The following LRRC32 variants were observed in gnomAD, a reference collection of about 807,000 sequenced individuals.
The protein encoded by LRRC32 is leucine rich repeat containing 32, also known as transforming growth factor beta activator LRRC32.
A neutral mutation model predicts 15.0 loss-of-function variants in LRRC32; 5 were observed. The ratio of observed to expected loss-of-function variants is 0.33; its 90% CI spans 0.17 to 0.70. The LOEUF is 0.70. LRRC32 is among the 30% of genes least tolerant of loss of function. The pLI is 0.66. For synonymous variants in LRRC32, 391 were observed against 403.9 expected (o/e 0.97, Z 0.38); for missense variants, 803 against 854.2 (o/e 0.94, Z 0.75).
At chr11:76,664,328 G>A (rs888807470) in intron 2 of LRRC32, among the ~76,000 whole-genome samples, 10 of 152,326 alleles carry the variant, frequency 6.6e-5, no homozygotes, top group Middle Eastern at 3.4e-3. Flanking sequence ...AGTCCAGGGC[G>A]GTGCTCAGAG....
At chr11:76,664,927 C>T (rs1037364105) in intron 2 of LRRC32, among the ~76,000 whole-genome samples, 4 of 152,334 alleles carry the variant, frequency 2.6e-5, no homozygotes, top group Admixed American at 6.5e-5. Flanking sequence ...GGAAGGGCTG[C>T]GGGCAGGCAG....
At position 76,661,425 on chromosome 11, in the gene LRRC32, T is replaced by C; in HGVS notation, c.168A>G (p.Leu56=). 2.5e-6 allele frequency: 4 copies of C among 1,614,056 alleles called. No homozygotes were observed. Among genetic ancestry groups the C allele is most frequent in the East Asian group, 2.2e-5 (1 of 44,874 alleles). Residue 56 remains leucine (L), a synonymous_variant, in exon 3 of 3, where the codon CTA becomes CTG. Coordinates refer to ENST00000260061, the MANE Select transcript of LRRC32 (RefSeq NM_001128922.2). ...GGATACTCCGCAGCTGGTTCCCAGA[T>C]AGATCAAGGGTCTCAGTGTCTGGCG... is the stretch of plus-strand genomic sequence containing the variant. ...VLPPDTETLD[L]SGNQLRSILA... is the part of the protein sequence containing the mutation.
chr11:76,664,692 A>T (rs954498077), intron 2 of LRRC32, among the ~76,000 whole-genome samples: 5 of 152,076 alleles, frequency 3.3e-5, no homozygotes, highest in African/African-American at 1.2e-4. Context: ...GTGCTTTCCT[A>T]TCTCTTATCT....
chr11:76,668,148 C>G (rs1258852041), intron 1 of LRRC32, among the ~76,000 whole-genome samples: 1 of 152,116 alleles, frequency 6.6e-6, no homozygotes, highest in Non-Finnish European at 1.5e-5. Context: ...CACTAGGAGT[C>G]TCGGTGACAT....
intron 2 of LRRC32, 111 bp from the exon 3 acceptor site, chr11:76,661,619 G>T: frequency 6.9e-7 from 1 of 1,444,884 alleles, no homozygotes; most frequent in Non-Finnish European, 9.1e-7. Flanking sequence ...TTCTCCCATG[G>T]ACTCCCAGAA....
intron 1 of LRRC32, among the ~76,000 whole-genome samples, chr11:76,667,659 CA>C (rs1290280299): frequency 1.3e-5 from 2 of 152,210 alleles, no homozygotes; most frequent in African/African-American, 4.8e-5. Flanking sequence ...GTTTAAAAAG[CA>C]GAACGCCACC....
chr11:76,659,520 G>A lies in LRRC32; in HGVS notation c.*84C>T, dbSNP rs1225746400. On this transcript the variant is annotated 3_prime_UTR_variant, in exon 3 of 3. Coordinates refer to ENST00000260061, the MANE Select transcript of LRRC32 (RefSeq NM_001128922.2). ...TTGGAGACCAGAGTTCTGGGATCCC[G>A]GATCACTGTGTGACCTTGAGTCAGT... is the stretch of plus-strand genomic sequence containing the variant. 20 of 1,415,442 alleles carry A rather than the reference G, an allele frequency of 1.4e-5. No homozygotes were observed. The highest frequency in any genetic ancestry group is 2.5e-4 in the Middle Eastern group (1 of 4,070). The allele number at this position is 1,415,442 out of a possible 1,614,324, so 87.7% of individuals were successfully genotyped here.
At position 76,657,958 on chromosome 11, in the gene LRRC32, C is replaced by T. The variant is rs1952441892; in HGVS notation, c.*1646G>A. 6.6e-6 allele frequency: 1 copy of T among 152,378 alleles called. No homozygotes were observed. The highest frequency in any genetic ancestry group is 2.4e-5 in the African/African-American group (1 of 41,454). The allele number at this position is 152,378 out of a possible 1,614,324, so 9.4% of individuals were successfully genotyped here. On this transcript the variant is annotated 3_prime_UTR_variant, in exon 3 of 3. Transcript: ENST00000260061. ...GCAAAACAAGGTCTTGAGTTGGTCCCAGCACGTCCATTCTTCCCAGACAGC... is the reference window on the plus strand; with the variant it reads ...GCAAAACAAGGTCTTGAGTTGGTCCTAGCACGTCCATTCTTCCCAGACAGC...
chr11:76,668,517 G>T (rs1434087683), intron 1 of LRRC32, among the ~76,000 whole-genome samples: 2 of 152,048 alleles, frequency 1.3e-5, no homozygotes, highest in African/African-American at 4.8e-5. Context: ...CAGCTTTCCT[G>T]CTGTTCCTTC....
intron 1 of LRRC32, among the ~76,000 whole-genome samples, chr11:76,670,227 C>G (rs1173289488): frequency 6.6e-6 from 1 of 152,226 alleles, no homozygotes; most frequent in Non-Finnish European, 1.5e-5. Flanking sequence ...GAGAAATGGG[C>G]AGGCCATCTA....
Position 76,661,377 on chromosome 11 carries a change from G to A in LRRC32, c.216C>T (p.Tyr72=), listed in dbSNP as rs1227685580. ...RSILASPLGF[Y]TALRHLDLST... Reference sequence around the variant, plus strand: ...TCAGGTCCAGGTGACGAAGTGCTGTGTAGAAGCCCAGGGGTGAGGCCAGGA... The same window carrying A: ...TCAGGTCCAGGTGACGAAGTGCTGTATAGAAGCCCAGGGGTGAGGCCAGGA... Residue 72 remains tyrosine, a synonymous_variant, in exon 3 of 3, where the codon TAC becomes TAT. Transcript: ENST00000260061. 6.2e-7 allele frequency: 1 copy of A among 1,614,190 alleles called. No individual in the cohort carries two copies. Among genetic ancestry groups the A allele is most frequent in the Non-Finnish European group, 8.5e-7 (1 of 1,180,000 alleles).
chr11:76,660,651 A>C lies in LRRC32; in HGVS notation c.942T>G (p.Leu314=). ...APSGNASGRP[L]SQLLNLDLSY... Reference sequence around the variant, plus strand: ...TCAAATCCAGATTCAAGAGCTGGGAAAGGGGGCGGCCGCTGGCATTCCCGC... The same window carrying C: ...TCAAATCCAGATTCAAGAGCTGGGACAGGGGGCGGCCGCTGGCATTCCCGC... The change falls in exon 3 of 3, where the codon CTT becomes CTG. Residue 314 remains leucine, a synonymous_variant. Transcript: ENST00000260061. 6.2e-7 allele frequency: 1 copy of C among 1,614,034 alleles called. No homozygotes were observed. Among genetic ancestry groups the C allele is most frequent in the Non-Finnish European group, 8.5e-7 (1 of 1,179,994 alleles).
chr11:76,664,029 C>A (rs1283286845), intron 2 of LRRC32, among the ~76,000 whole-genome samples: 1 of 152,200 alleles, frequency 6.6e-6, no homozygotes, highest in African/African-American at 2.4e-5. Flanking sequence ...CAGCAAAGAG[C>A]ATCATGGACC....
chr11:76,666,973 C>A (rs1304976429), intron 1 of LRRC32, among the ~76,000 whole-genome samples: 2 of 152,244 alleles, frequency 1.3e-5, no homozygotes, highest in African/African-American at 4.8e-5. Flanking sequence ...GGCGCACAGT[C>A]ACCCACATCT....
rs1952444714 is a variant in LRRC32 at position 76,658,114 on chromosome 11, G to A, written c.*1490C>T. Reference sequence around the variant, plus strand: ...TTTGGAGCCAGCATTATCTTGTGATGTGATAGCTGAGAGAGGACATCACTC... The same window carrying A: ...TTTGGAGCCAGCATTATCTTGTGATATGATAGCTGAGAGAGGACATCACTC... On this transcript the variant is annotated 3_prime_UTR_variant, in exon 3 of 3. Coordinates refer to ENST00000260061, the MANE Select transcript of LRRC32 (RefSeq NM_001128922.2). 1 of 152,364 alleles carries A rather than the reference G, an allele frequency of 6.6e-6. No individual in the cohort carries two copies. Among genetic ancestry groups the A allele is most frequent in the African/African-American group, 2.4e-5 (1 of 41,432 alleles). 9.4% of individuals were successfully genotyped at this position (152,364 alleles called of 1,614,324 possible). A position where few individuals can be genotyped will look rare whatever the true frequency, so the allele number is the denominator to read the frequency against.
chr11:76,661,041 C>T lies in LRRC32; in HGVS notation c.552G>A (p.Val184=). 1 of 1,614,226 alleles carries T rather than the reference C, an allele frequency of 6.2e-7. No homozygotes were observed. The highest frequency in any genetic ancestry group is 8.5e-7 in the Non-Finnish European group (1 of 1,180,036). The change falls in exon 3 of 3, where the codon GTG becomes GTA. Residue 184 remains valine (V), a synonymous_variant. Transcript: ENST00000260061. The part of the protein sequence containing the change: ...ALEQLDLHSN[V]LMDIEDGAFE... ...AGGCGCCATCCTCGATGTCCATCAG[C>T]ACGTTGCTATGCAGGTCAAGCTGCT...
chr11:76,659,449 C>T lies in LRRC32; in HGVS notation c.*155G>A. 1.2e-6 allele frequency: 1 copy of T among 826,004 alleles called. No individual in the cohort carries two copies. The highest frequency in any genetic ancestry group is 1.8e-6 in the Non-Finnish European group (1 of 544,304). The allele number at this position is 826,004 out of a possible 1,614,324, so 51.2% of individuals were successfully genotyped here. On this transcript the variant is annotated 3_prime_UTR_variant, in exon 3 of 3. Transcript: ENST00000260061. Reference sequence around the variant, plus strand: ...AAAGTGCAGCCCGGGAAGGGGGTCACCCACTGATGCAGCAGGCGGCAGAGA... The same window carrying T: ...AAAGTGCAGCCCGGGAAGGGGGTCATCCACTGATGCAGCAGGCGGCAGAGA...
At position 76,660,564 on chromosome 11, in the gene LRRC32, G is replaced by A; in HGVS notation, c.1029C>T (p.Phe343=). The change falls in exon 3 of 3, where the codon TTC becomes TTT. Residue 343 remains phenylalanine (F), a synonymous_variant. Coordinates refer to ENST00000260061, the MANE Select transcript of LRRC32 (RefSeq NM_001128922.2). ...GCAAGCAGTTTCTGCTGAGGTTCAG[G>A]AAGCACAGGGAGGTCAGGTGCTCAA... is the stretch of plus-strand genomic sequence containing the variant. ...SFLEHLTSLC[F]LNLSRNCLRT... is the part of the protein sequence containing the mutation. 1 of 1,614,212 alleles carries A rather than the reference G, an allele frequency of 6.2e-7. No individual in the cohort carries two copies. The highest frequency in any genetic ancestry group is 8.5e-7 in the Non-Finnish European group (1 of 1,180,036).
At chr11:76,667,029 C>T (rs1952636915) in intron 1 of LRRC32, among the ~76,000 whole-genome samples, 2 of 152,234 alleles carry the variant, frequency 1.3e-5, no homozygotes, top group Non-Finnish European at 2.9e-5. Context: ...TGTGATCTTA[C>T]AAGTCGCTTC....
Sources: allele counts gnomAD v4.1 joint callset (sites outside exome capture counted in the v4.1 genomes callset), GRCh38; gene constraint gnomAD v4.1.1; transcripts MANE v1.5; gene names NCBI Gene and HGNC (gene_info 2026-07-23, HGNC 2026-07-21).